NRXN1: variants seen among roughly 807,000 people sequenced by gnomAD.
The protein encoded by NRXN1 is neurexin-1.
In NRXN1, 39 loss-of-function variants were observed where a neutral mutation model predicts 150.9. The observed-to-expected ratio is 0.26, with a 90% CI of 0.20 to 0.34. The LOEUF (loss-of-function observed/expected upper bound fraction) is 0.34, where lower values mean the gene tolerates loss of function less well. Among genes scored for constraint, NRXN1 ranks in the 10% least tolerant of loss-of-function variants. NRXN1 has a pLI of 1.00. For missense variants in NRXN1, 1,815 were observed against 1,949.9 expected, an observed-to-expected ratio of 0.93 and a Z score of 1.30; for synonymous variants, 924 against 757.0, an observed-to-expected ratio of 1.22 and a Z score of -3.62.
chr2:50,294,921 G>A (rs1013387545), intron 17 of NRXN1, among the ~76,000 whole-genome samples: 1 of 152,170 alleles, frequency 6.6e-6, no homozygotes, highest in African/African-American at 2.4e-5. Flanking sequence ...AGGAACAGAC[G>A]AGACAGAATA....
chr2:50,288,425 T>C (rs1475609224), intron 17 of NRXN1, among the ~76,000 whole-genome samples: 1 of 152,128 alleles, frequency 6.6e-6, no homozygotes, highest in Non-Finnish European at 1.5e-5. Context: ...AACTCTCAGA[T>C]AAAGACATAA....
chr2:50,047,166 C>T (rs908996804), intron 21 of NRXN1, among the ~76,000 whole-genome samples: 6 of 151,864 alleles, frequency 4.0e-5, no homozygotes, highest in South Asian at 4.2e-4. Flanking sequence ...AAAGGCAATA[C>T]GTAAGAGCAG....
intron 5 of NRXN1, among the ~76,000 whole-genome samples, chr2:50,666,805 G>A (rs545937440): frequency 6.6e-6 from 1 of 151,402 alleles, no homozygotes; most frequent in Non-Finnish European, 1.5e-5. Flanking sequence ...CAGGTAGACA[G>A]TATACATTAG....
chr2:50,786,541 A>G (rs1201287669), intron 5 of NRXN1, among the ~76,000 whole-genome samples: 2 of 152,138 alleles, frequency 1.3e-5, no homozygotes, highest in African/African-American at 2.4e-5. Flanking sequence ...AAGCCATTAT[A>G]GCGCCATCAA....
intron 9 of NRXN1, among the ~76,000 whole-genome samples, chr2:50,544,736 T>G (rs2093458893): frequency 6.6e-6 from 1 of 152,144 alleles, no homozygotes; most frequent in South Asian, 2.1e-4. Flanking sequence ...GCAATCCCAA[T>G]TCTCACATTC....
At chr2:50,248,381 C>T (rs2066708921) in intron 17 of NRXN1, among the ~76,000 whole-genome samples, 1 of 152,084 alleles carries the variant, frequency 6.6e-6, no homozygotes, top group Non-Finnish European at 1.5e-5. Context: ...AAACACCTAC[C>T]TCTTGAAATG....
intron 18 of NRXN1, among the ~76,000 whole-genome samples, chr2:50,113,363 T>A (rs1456963833): frequency 2.6e-5 from 4 of 152,206 alleles, no homozygotes; most frequent in African/African-American, 9.6e-5. Flanking sequence ...GCACTCCATG[T>A]CAAATTGACC....
Position 50,347,126 on chromosome 2 carries a change from C to T in NRXN1, c.3365-110156G>A. 7.2e-7 allele frequency: 1 copy of T among 1,384,682 alleles called. No homozygotes were observed. The highest frequency in any genetic ancestry group is 9.5e-7 in the Non-Finnish European group (1 of 1,051,704). 85.8% of individuals were successfully genotyped at this position (1,384,682 alleles called of 1,614,324 possible). A position where few individuals can be genotyped will look rare whatever the true frequency, so the allele number is the denominator to read the frequency against. On this transcript the variant is annotated intron_variant, in intron 17 of 22. Coordinates refer to ENST00000401669, the MANE Select transcript of NRXN1 (RefSeq NM_001330078.2). The surrounding 1 kb of genome is among the most constrained non-coding windows in gnomAD (Gnocchi z 4.9). Reference sequence around the variant, plus strand: ...AGTCTTCTCGGGGTCCTGGAGTCCGCCGTGCCTAGCACCCCAAACAATCCG... The same window carrying T: ...AGTCTTCTCGGGGTCCTGGAGTCCGTCGTGCCTAGCACCCCAAACAATCCG...
At position 50,318,974 on chromosome 2, in the gene NRXN1, AT is replaced by A. The variant is rs1024514551; in HGVS notation, c.3365-82005del. Among the ~76,000 whole-genome samples, 66 of 152,250 alleles carry A rather than the reference AT, an allele frequency of 4.3e-4. 1 individual carries two copies. Among genetic ancestry groups the A allele is most frequent in the African/African-American group, 1.6e-3 (65 of 41,568 alleles). On this transcript the variant is annotated intron_variant, in intron 17 of 22. Transcript: ENST00000401669. ...TAAATTATTATCACAATAAAGAAAT[AT>A]TTAATATTGTTAATTGCAGTTTAAT...
chr2:50,828,039 C>T (rs1265933981), intron 5 of NRXN1, among the ~76,000 whole-genome samples: 3 of 150,236 alleles, frequency 2.0e-5, no homozygotes, highest in Admixed American at 6.6e-5. Context: ...TCCGATTTCT[C>T]AATCTTTTCC....
At position 50,159,665 on chromosome 2, in the gene NRXN1, G is replaced by T. The variant is rs998150904; in HGVS notation, c.3547-68171C>A. Among the ~76,000 whole-genome samples, 5 of 152,122 alleles carry T rather than the reference G, an allele frequency of 3.3e-5. No individual in the cohort carries two copies. The South Asian group carries it at 8.3e-4, about 25-fold the overall frequency. On this transcript the variant is annotated intron_variant, in intron 18 of 22. Transcript: ENST00000401669. ...TTGGTAGTTGAAGACACTATTCAAA[G>T]ATGCAACCTTGTCTTTCATTGGTGT...
intron 12 of NRXN1, among the ~76,000 whole-genome samples, chr2:50,509,639 C>G (rs2092375402): frequency 6.6e-6 from 1 of 152,136 alleles, no homozygotes; most frequent in African/African-American, 2.4e-5. Flanking sequence ...GATGGTTTAA[C>G]TGTTGAAATT....
chr2:50,227,332 T>A (rs1216041397), intron 18 of NRXN1, among the ~76,000 whole-genome samples: 1 of 152,018 alleles, frequency 6.6e-6, no homozygotes, highest in East Asian at 1.9e-4. Context: ...GAAAAATACT[T>A]AAAGAATACT....
chr2:50,605,182 T>C (rs1273096749), intron 8 of NRXN1, among the ~76,000 whole-genome samples: 1 of 152,266 alleles, frequency 6.6e-6, no homozygotes, highest in Non-Finnish European at 1.5e-5. Flanking sequence ...CCTGTTTCTA[T>C]GCTTATTTAG....
At chr2:50,589,338 G>A (rs1223977667) in intron 8 of NRXN1, 2 of 152,192 alleles carry the variant, frequency 1.3e-5, no homozygotes, top group Non-Finnish European at 2.9e-5. Flanking sequence ...GATGCAGGGA[G>A]AAAATGGTCA....
chr2:50,914,745 A>C (rs1050544515), intron 5 of NRXN1, among the ~76,000 whole-genome samples: 10 of 151,672 alleles, frequency 6.6e-5, no homozygotes, highest in African/African-American at 1.9e-4. Flanking sequence ...TTGGAGCAAA[A>C]AGGAAAAAGA....
At chr2:50,325,794 T>C (rs2076347917) in intron 17 of NRXN1, among the ~76,000 whole-genome samples, 1 of 152,250 alleles carries the variant, frequency 6.6e-6, no homozygotes, top group Non-Finnish European at 1.5e-5. Context: ...ATTGCTTCAG[T>C]AATATTTTAT....
rs556070568 is a variant in NRXN1, at chr2:50,671,587, A to G, written c.833-47972T>C. Among the ~76,000 whole-genome samples, 24 of 151,888 alleles carry G rather than the reference A, an allele frequency of 1.6e-4. No homozygotes were observed. The South Asian group carries it at 5.0e-3, about 31-fold the overall frequency. On this transcript the variant is annotated intron_variant, in intron 5 of 22. Transcript: ENST00000401669. The stretch of plus-strand genomic sequence containing the variant: ...ATGCACTTTTTATAACTAAATATAT[A>G]CTATTGATAGGAAATGGTTGGAGTG...
chr2:50,626,059 T>A (rs912598336), intron 5 of NRXN1, among the ~76,000 whole-genome samples: 2 of 151,984 alleles, frequency 1.3e-5, no homozygotes, highest in African/African-American at 4.8e-5. Context: ...TATATGAACA[T>A]TGTAAAGATT....
Sources: gnomAD v4.1 joint callset for allele counts (sites outside exome capture counted in the v4.1 genomes callset) on GRCh38, gnomAD v4.1.1 for gene constraint, Gnocchi (gnomAD v3.1) non-coding constraint, MANE v1.5 for transcripts, NCBI Gene and HGNC (gene_info 2026-07-23, HGNC 2026-07-21) for gene names.